ARHGAP5: variants seen among roughly 807,000 people sequenced by gnomAD.
The protein encoded by ARHGAP5 is Rho GTPase activating protein 5, also known as rho GTPase-activating protein 5.
A neutral mutation model predicts 116.6 loss-of-function variants in ARHGAP5; 23 were observed. The ratio of observed to expected loss-of-function variants is 0.20; its 90% CI spans 0.14 to 0.28. The LOEUF (loss-of-function observed/expected upper bound fraction) is 0.28, where lower values mean the gene tolerates loss of function less well. ARHGAP5 is among the 10% of genes least tolerant of loss of function. ARHGAP5 has a pLI of 1.00. For synonymous variants in ARHGAP5, 574 were observed against 602.0 expected (o/e 0.95, Z 0.68); for missense variants, 1,405 against 1,774.8 (o/e 0.79, Z 3.74).
intron 1 of ARHGAP5, among the ~76,000 whole-genome samples, chr14:32,087,194 A>AT (rs569325064): frequency 1.7e-3 from 255 of 151,696 alleles, no homozygotes; most frequent in Non-Finnish European, 2.8e-3. Flanking sequence ...AAAACAATAA[A>AT]TTTTTTTTGT....
Position 32,158,878 on chromosome 14 carries a change from G to A in ARHGAP5, c.*3930G>A, listed in dbSNP as rs1882002958. On this transcript the variant is annotated 3_prime_UTR_variant, in exon 7 of 7. Coordinates refer to ENST00000345122, the MANE Select transcript of ARHGAP5 (RefSeq NM_001030055.2). ...TACTTGATGTGATCCAAGTACCCTG[G>A]TCTTTTTGAAGCAGTTAAAATCTAA... The A allele has an allele frequency of 6.6e-6, 1 of 151,956 alleles. No homozygotes were observed. The highest frequency in any genetic ancestry group is 6.6e-5 in the Admixed American group (1 of 15,260). 9.4% of individuals were successfully genotyped at this position (151,956 alleles called of 1,614,324 possible).
chr14:32,084,677 C>T (rs2041811307), intron 1 of ARHGAP5, among the ~76,000 whole-genome samples: 2 of 152,154 alleles, frequency 1.3e-5, no homozygotes, highest in Admixed American at 1.3e-4. Context: ...GTTCTCTCTT[C>T]ATTTGCCTGA....
Position 32,137,667 on chromosome 14 carries a change from A to C in ARHGAP5, c.3866-8596A>C, listed in dbSNP as rs182518012. Among the ~76,000 whole-genome samples the C allele has an allele frequency of 1.5e-3, 232 of 152,132 alleles. 1 individual carries two copies. The highest frequency in any genetic ancestry group is 5.2e-3 in the African/African-American group (215 of 41,508). ...TAGATCAATTTGGGTAGAAGTTGCC[A>C]TTTTAAAAATATTTAGCCTTCCGGG... is the stretch of plus-strand genomic sequence containing the variant. On this transcript the variant is annotated intron_variant, in intron 3 of 6. Transcript: ENST00000345122.
intron 3 of ARHGAP5, among the ~76,000 whole-genome samples, chr14:32,137,284 T>C (rs1219583164): frequency 6.7e-6 from 1 of 149,738 alleles, no homozygotes; most frequent in Non-Finnish European, 1.5e-5. Flanking sequence ...TTCTTAAGCA[T>C]GTGGATATTC....
chr14:32,126,922 T>TA (rs1279709020), intron 3 of ARHGAP5, among the ~76,000 whole-genome samples: 2 of 151,818 alleles, frequency 1.3e-5, no homozygotes, highest in Admixed American at 1.3e-4. Context: ...AGTGTACACT[T>TA]ACAAATGGTT....
chr14:32,090,565 A>G lies in ARHGAP5; in HGVS notation c.-105A>G. The G allele has an allele frequency of 9.5e-7, 1 of 1,051,352 alleles. No homozygotes were observed. Among genetic ancestry groups the G allele is most frequent in the South Asian group, 1.6e-5 (1 of 61,596 alleles). The allele number at this position is 1,051,352 out of a possible 1,614,324, so 65.1% of individuals were successfully genotyped here. The stretch of plus-strand genomic sequence containing the variant: ...GAAATGAGGGAAATACAAAGAACCA[A>G]ATACAGTTCTGAAATTTGGGATCTG... On this transcript the variant is annotated 5_prime_UTR_variant, in exon 2 of 7. Coordinates refer to ENST00000345122, the MANE Select transcript of ARHGAP5 (RefSeq NM_001030055.2).
At chr14:32,102,761 G>A (rs557457321) in intron 2 of ARHGAP5, among the ~76,000 whole-genome samples, 1 of 152,198 alleles carries the variant, frequency 6.6e-6, no homozygotes, top group South Asian at 2.1e-4. Flanking sequence ...TAAATGTATG[G>A]CCTTTGTTTT....
intron 3 of ARHGAP5, among the ~76,000 whole-genome samples, chr14:32,125,700 T>A (rs556046063): frequency 4.9e-4 from 75 of 152,380 alleles, no homozygotes; most frequent in African/African-American, 1.7e-3. Flanking sequence ...GGTTTCCTTT[T>A]AATCACTAAG....
At chr14:32,146,996 A>G (rs528390945) in intron 4 of ARHGAP5, among the ~76,000 whole-genome samples, 5 of 152,342 alleles carry the variant, frequency 3.3e-5, no homozygotes, top group Admixed American at 1.3e-4. Context: ...TCTCACAAAT[A>G]AAAGACTGTG....
chr14:32,108,767 A>G (rs1879142851), intron 2 of ARHGAP5, among the ~76,000 whole-genome samples: 1 of 152,102 alleles, frequency 6.6e-6, no homozygotes, highest in Admixed American at 6.6e-5. Flanking sequence ...TTGGAAAGAG[A>G]AGGATTAAAA....
rs1291121749 is a variant in ARHGAP5 at position 32,117,155 on chromosome 14, A to G, written c.3733A>G (p.Lys1245Glu). 6.3e-7 allele frequency: 1 copy of G among 1,599,108 alleles called. No homozygotes were observed. The highest frequency in any genetic ancestry group is 8.5e-7 in the Non-Finnish European group (1 of 1,175,094). Residue 1245 changes from lysine to glutamate, a missense_variant, in exon 3 of 7, where the codon AAG (lysine) becomes GAG (glutamate). By Grantham distance (56) the Lys-to-Glu change is moderately conservative. Coordinates refer to ENST00000345122, the MANE Select transcript of ARHGAP5 (RefSeq NM_001030055.2). ...TTTCTTATAGCAGAAAAAGAAAACT[A>G]AGAACTTCAATCCACCAACACGTAG... ...KEDKKQKKKTKNFNPPTRRNW... is the reference protein window; with the variant it reads ...KEDKKQKKKTENFNPPTRRNW...
intron 2 of ARHGAP5, among the ~76,000 whole-genome samples, chr14:32,096,215 A>G (rs966477860): frequency 7.9e-5 from 12 of 151,716 alleles, no homozygotes; most frequent in Non-Finnish European, 1.6e-4. Flanking sequence ...TTCATTGTGT[A>G]TTTCCTAAGA....
intron 2 of ARHGAP5, among the ~76,000 whole-genome samples, chr14:32,098,294 C>T (rs1460670259): frequency 2.6e-5 from 4 of 152,152 alleles, no homozygotes; most frequent in Admixed American, 6.5e-5. Flanking sequence ...AACAAACAGA[C>T]CTCTGGTTTA....
rs113279004 is a variant in ARHGAP5, at chr14:32,086,576, T to C, written c.-168-3926T>C. On this transcript the variant is annotated intron_variant, in intron 1 of 6. Coordinates refer to ENST00000345122, the MANE Select transcript of ARHGAP5 (RefSeq NM_001030055.2). ...CCATTAGGAATTTCCTGACATGGTATAATTTAAAAGCATAAAATATTTTTA... is the reference window on the plus strand; with the variant it reads ...CCATTAGGAATTTCCTGACATGGTACAATTTAAAAGCATAAAATATTTTTA... Among the ~76,000 whole-genome samples the C allele has an allele frequency of 2.2e-3, 328 of 150,940 alleles. 4 individuals are homozygous for C. Among genetic ancestry groups the C allele is most frequent in the African/African-American group, 7.8e-3 (313 of 40,254 alleles).
intron 1 of ARHGAP5, among the ~76,000 whole-genome samples, chr14:32,085,067 A>T (rs2041815574): frequency 6.6e-6 from 1 of 152,150 alleles, no homozygotes; most frequent in South Asian, 2.1e-4. Context: ...TTGTTGAATT[A>T]CTTAGCTATT....
intron 2 of ARHGAP5, among the ~76,000 whole-genome samples, chr14:32,095,885 T>C (rs953491306): frequency 6.6e-6 from 1 of 152,250 alleles, no homozygotes; most frequent in Non-Finnish European, 1.5e-5. Flanking sequence ...AACTACTTAA[T>C]GTTTATTAAG....
Position 32,091,843 on chromosome 14 carries a change from A to T in ARHGAP5, c.1174A>T (p.Ile392Leu). 1 of 1,613,508 alleles carries T rather than the reference A, an allele frequency of 6.2e-7. No individual in the cohort carries two copies. The highest frequency in any genetic ancestry group is 1.7e-5 in the Admixed American group (1 of 59,968). ...AACTCCTTGGGATGAAACTGACCATATAGACAAAATTAATGATAGGCGGAT... is the reference window on the plus strand; with the variant it reads ...AACTCCTTGGGATGAAACTGACCATTTAGACAAAATTAATGATAGGCGGAT... ...EKTPWDETDHIDKINDRRIPF... is the reference protein window; with the variant it reads ...EKTPWDETDHLDKINDRRIPF... The change falls in exon 2 of 7, where the codon ATA becomes TTA. Residue 392 changes from isoleucine to leucine, a missense_variant. Around this residue, in one of 6 missense-constraint regions of ARHGAP5, gnomAD observed 944 missense variants for 1,095.3 expected, o/e 0.86. Transcript: ENST00000345122.
chr14:32,079,333 A>G (rs1030339941), intron 1 of ARHGAP5, among the ~76,000 whole-genome samples: 9 of 152,176 alleles, frequency 5.9e-5, no homozygotes, highest in African/African-American at 1.9e-4. Context: ...ACTTTGATGT[A>G]AGAATTGCGG....
chr14:32,128,315 G>C (rs1392040342), intron 3 of ARHGAP5, among the ~76,000 whole-genome samples: 4 of 152,254 alleles, frequency 2.6e-5, no homozygotes, highest in African/African-American at 9.6e-5. Flanking sequence ...AGCACTTTGG[G>C]AGGCCAAGGC....
Sources: allele counts gnomAD v4.1 joint callset (sites outside exome capture counted in the v4.1 genomes callset), GRCh38; gene constraint gnomAD v4.1.1; regional missense constraint gnomAD v4.1.1; transcripts MANE v1.5; gene names NCBI Gene and HGNC (gene_info 2026-07-23, HGNC 2026-07-21).